The following AFG1L variants were observed in gnomAD, a reference collection of about 807,000 sequenced individuals.
The protein encoded by AFG1L is AFG1-like ATPase.
AFG1L carries 53 observed loss-of-function variants against 62.2 expected under a neutral mutation model. That is an observed-to-expected ratio of 0.85 (90% CI 0.68 to 1.07). The LOEUF is 1.07. Among genes scored for constraint, AFG1L ranks in the 50% least tolerant of loss-of-function variants. The probability of loss-of-function intolerance (pLI) is 0.00; values close to 1 mark genes in which losing one functional copy is unlikely to be tolerated. For synonymous variants in AFG1L, 228 were observed against 210.3 expected (o/e 1.08, Z -0.73); for missense variants, 555 against 590.5 (o/e 0.94, Z 0.62).
chr6:108,478,455 C>G (rs1306672401), intron 10 of AFG1L, among the ~76,000 whole-genome samples: 1 of 152,206 alleles, frequency 6.6e-6, no homozygotes, highest in Non-Finnish European at 1.5e-5. Context: ...AATTATTTAG[C>G]ACTTCAGAAC....
At chr6:108,426,730 A>T (rs528616094) in intron 7 of AFG1L, among the ~76,000 whole-genome samples, 5 of 152,146 alleles carry the variant, frequency 3.3e-5, no homozygotes, top group Non-Finnish European at 7.3e-5. Context: ...AATTTTCATA[A>T]GAGTTAAATG....
At chr6:108,446,129 C>G (rs1022259007) in intron 7 of AFG1L, among the ~76,000 whole-genome samples, 1 of 151,178 alleles carries the variant, frequency 6.6e-6, no homozygotes, top group African/African-American at 2.4e-5. Flanking sequence ...TCTCATTGCC[C>G]CCAAAATCCA....
At chr6:108,350,051 G>A (rs182524027) in intron 3 of AFG1L, among the ~76,000 whole-genome samples, 253 of 151,646 alleles carry the variant, frequency 1.7e-3, no homozygotes, top group African/African-American at 4.9e-3. Context: ...GTGAAACCCC[G>A]CCTCTACTAA....
intron 1 of AFG1L, among the ~76,000 whole-genome samples, chr6:108,299,666 T>G (rs1202580449): frequency 1.3e-5 from 2 of 152,040 alleles, no homozygotes; most frequent in Non-Finnish European, 2.9e-5. Flanking sequence ...GAAAAGAGCC[T>G]GTGGCTTGTG....
chr6:108,364,864 CCAAAAAAAAAA>C (rs1010995054), intron 5 of AFG1L, among the ~76,000 whole-genome samples: 6 of 84,302 alleles, frequency 7.1e-5, no homozygotes, highest in African/African-American at 4.5e-4. Flanking sequence ...CCTGAGACAG[CCAAAAAAAAAA>C]AAAAAAAAAA....
chr6:108,519,445 G>A (rs1398456411), intron 11 of AFG1L, among the ~76,000 whole-genome samples: 2 of 152,184 alleles, frequency 1.3e-5, no homozygotes, highest in East Asian at 3.8e-4. Flanking sequence ...CAGCCCTGAA[G>A]TCTCCCAATA....
intron 11 of AFG1L, among the ~76,000 whole-genome samples, chr6:108,511,201 AAGG>A (rs1282072297): frequency 6.6e-6 from 1 of 151,308 alleles, no homozygotes; most frequent in Non-Finnish European, 1.5e-5. Context: ...GAAGGAGGAG[AAGG>A]AGAAGGAGAA....
chr6:108,373,331 G>A (rs994936669), intron 6 of AFG1L, among the ~76,000 whole-genome samples: 1 of 152,020 alleles, frequency 6.6e-6, no homozygotes, highest in African/African-American at 2.4e-5. Flanking sequence ...TAGGCTAATG[G>A]CCTCGAGCTG....
chr6:108,347,600 T>C (rs1778911389), intron 3 of AFG1L, among the ~76,000 whole-genome samples: 1 of 152,238 alleles, frequency 6.6e-6, no homozygotes, highest in South Asian at 2.1e-4. Flanking sequence ...GTCACTTCTT[T>C]CTAGGTTTTC....
At position 108,295,101 on chromosome 6, in the gene AFG1L, T is replaced by G; in HGVS notation, c.22T>G (p.Leu8Val). 6.2e-7 allele frequency: 1 copy of G among 1,611,534 alleles called. No individual in the cohort carries two copies. Among genetic ancestry groups the G allele is most frequent in the Non-Finnish European group, 8.5e-7 (1 of 1,179,984 alleles). The stretch of plus-strand genomic sequence containing the variant: ...CAAGATGGCGGCCTCCTGGTCGCTC[T>G]TGGTTACCCTGCGCCCCTTAGCACA... Reference protein sequence around the residue: MAASWSLLVTLRPLAQSP... With the variant: MAASWSLVVTLRPLAQSP... The change falls in exon 1 of 13, where the codon TTG becomes GTG. Residue 8 changes from leucine (L) to valine (V), a missense_variant. Leu to Val is a conservative substitution (Grantham distance 32). Transcript: ENST00000368977.
chr6:108,396,318 G>A (rs1781306594), intron 6 of AFG1L, among the ~76,000 whole-genome samples: 1 of 152,028 alleles, frequency 6.6e-6, no homozygotes, highest in Non-Finnish European at 1.5e-5. Context: ...ATGTATGTGT[G>A]TATAAATATA....
At chr6:108,455,578 G>T (rs775210314) in intron 8 of AFG1L, among the ~76,000 whole-genome samples, 40 of 152,074 alleles carry the variant, frequency 2.6e-4, no homozygotes, top group Admixed American at 5.2e-4. Context: ...TAAGGTAGAA[G>T]ATTAAGTCCT....
chr6:108,385,622 C>T (rs1019507247), intron 6 of AFG1L, among the ~76,000 whole-genome samples: 13 of 152,062 alleles, frequency 8.5e-5, no homozygotes, highest in African/African-American at 2.9e-4. Context: ...CCACTCCACA[C>T]GCTATATTTC....
intron 1 of AFG1L, among the ~76,000 whole-genome samples, chr6:108,317,150 A>G (rs1342895923): frequency 2.0e-5 from 3 of 152,200 alleles, no homozygotes; most frequent in African/African-American, 7.2e-5. Context: ...TAAGAAGAAC[A>G]TGATTATGAA....
At chr6:108,352,980 T>G (rs1779141049) in intron 3 of AFG1L, among the ~76,000 whole-genome samples, 1 of 152,150 alleles carries the variant, frequency 6.6e-6, no homozygotes, top group Non-Finnish European at 1.5e-5. Context: ...TACCACTTTT[T>G]GTTTATCCAT....
intron 7 of AFG1L, among the ~76,000 whole-genome samples, chr6:108,430,442 A>C (rs1771019869): frequency 6.6e-6 from 1 of 152,200 alleles, no homozygotes; most frequent in African/African-American, 2.4e-5. Context: ...GGAAGTTTTG[A>C]ACTTTTATTC....
intron 1 of AFG1L, among the ~76,000 whole-genome samples, chr6:108,321,494 C>G (rs536051426): frequency 6.6e-6 from 1 of 152,290 alleles, no homozygotes; most frequent in African/African-American, 2.4e-5. Flanking sequence ...CTTCTGGCTA[C>G]CAGCCTCACC....
Position 108,477,270 on chromosome 6 carries a change from C to T in AFG1L, c.1040C>T (p.Thr347Ile), listed in dbSNP as rs1458758886. ...GCCTGTGGAACCGTTGCCGACTGCA[C>T]ATTTGAAGAGCTGTGTGAGAGAGTA... Reference protein sequence around the residue: ...NKACGTVADCTFEELCERPLG... With the variant: ...NKACGTVADCIFEELCERPLG... Residue 347 changes from threonine (T) to isoleucine (I), a missense_variant, in exon 10 of 13, where the codon ACA becomes ATA. Thr to Ile is a moderately conservative substitution (Grantham distance 89). Transcript: ENST00000368977. 1 of 1,608,124 alleles carries T rather than the reference C, an allele frequency of 6.2e-7. No individual in the cohort carries two copies. Among genetic ancestry groups the T allele is most frequent in the Admixed American group, 1.7e-5 (1 of 59,446 alleles).
rs1779770808 is a variant in AFG1L, at chr6:108,366,599, CAT to C, written c.748+270_748+271del. Among the ~76,000 whole-genome samples, 5 of 148,770 alleles carry C rather than the reference CAT, an allele frequency of 3.4e-5. No homozygotes were observed. In the South Asian group the frequency reaches 1.1e-3, roughly 31 times the overall value. On this transcript the variant is annotated intron_variant, in intron 6 of 12. Transcript: ENST00000368977. ...TTTTTTCCCTAAATATTAGATATGT[CAT>C]ATGTGCTTAGCAAAAAATGCAGGCC...
Sources: allele counts gnomAD v4.1 joint callset (sites outside exome capture counted in the v4.1 genomes callset), GRCh38; gene constraint gnomAD v4.1.1; transcripts MANE v1.5; gene names NCBI Gene and HGNC (gene_info 2026-07-23, HGNC 2026-07-21).